FLRT2: variants seen among roughly 807,000 people sequenced by gnomAD.
FLRT2 encodes the protein fibronectin leucine rich transmembrane protein 2, also known as leucine-rich repeat transmembrane protein FLRT2.
A neutral mutation model predicts 40.0 loss-of-function variants in FLRT2; 15 were observed. The ratio of observed to expected loss-of-function variants is 0.38; its 90% confidence interval spans 0.25 to 0.58. The LOEUF (loss-of-function observed/expected upper bound fraction) is 0.58. Among genes scored for constraint, FLRT2 ranks in the 20% least tolerant of loss-of-function variants. The pLI is 0.71. For synonymous variants in FLRT2, 380 were observed against 336.8 expected, an observed-to-expected ratio of 1.13 and a Z score of -1.41; for missense variants, 726 against 840.0, an observed-to-expected ratio of 0.86 and a Z score of 1.68.
chr14:85,570,902 T>TA (rs1353999391), intron 1 of FLRT2, among the ~76,000 whole-genome samples: 1 of 151,648 alleles, frequency 6.6e-6, no homozygotes, highest in African/African-American at 2.4e-5. Flanking sequence ...CCTTATTTTT[T>TA]AAAAAAACAA....
At position 85,653,533 on chromosome 14, in the gene FLRT2, G is replaced by A. The variant is rs556745895; in HGVS notation, c.*30036G>A. On this transcript the variant is annotated 3_prime_UTR_variant, in exon 2 of 2. Coordinates refer to ENST00000330753, the MANE Select transcript of FLRT2 (RefSeq NM_013231.6). ...CAAAGCTAAAAATACCTCTGCTAGG[G>A]GATCTATTAGTATTCTCCACATTGC... 3 of 152,234 alleles carry A rather than the reference G, an allele frequency of 2.0e-5. No homozygotes were observed. Among genetic ancestry groups the A allele is most frequent in the Non-Finnish European group, 4.4e-5 (3 of 68,010 alleles). 9.4% of individuals were successfully genotyped at this position (152,234 alleles called of 1,614,324 possible). A position where few individuals can be genotyped will look rare whatever the true frequency, so the allele number is the denominator to read the frequency against.
chr14:85,541,856 C>T (rs2139810909), intron 1 of FLRT2, among the ~76,000 whole-genome samples: 2 of 152,264 alleles, frequency 1.3e-5, no homozygotes, highest in South Asian at 4.1e-4. Context: ...GCCGATGACA[C>T]CAGTGCCTGC....
At chr14:85,599,992 A>G (rs1892311177) in intron 1 of FLRT2, among the ~76,000 whole-genome samples, 1 of 152,224 alleles carries the variant, frequency 6.6e-6, no homozygotes, top group South Asian at 2.1e-4. Context: ...CCTTCAGAAT[A>G]TCATCTGTAA....
chr14:85,540,307 G>C (rs867645384), intron 1 of FLRT2, among the ~76,000 whole-genome samples: 1 of 152,128 alleles, frequency 6.6e-6, no homozygotes, highest in African/African-American at 2.4e-5. Flanking sequence ...TGAAGCCAAC[G>C]TGTATTCCAA....
intron 1 of FLRT2, among the ~76,000 whole-genome samples, chr14:85,545,974 A>G (rs1411077286): frequency 1.3e-5 from 2 of 152,234 alleles, no homozygotes; most frequent in Non-Finnish European, 2.9e-5. Context: ...TTAATAGGTC[A>G]GCTTCACTGG....
chr14:85,622,514 G>A lies in FLRT2; in HGVS notation c.1000G>A (p.Val334Met). 5 of 1,613,958 alleles carry A rather than the reference G, an allele frequency of 3.1e-6. No individual in the cohort carries two copies. Among genetic ancestry groups the A allele is most frequent in the Non-Finnish European group, 4.2e-6 (5 of 1,180,018 alleles). Residue 334 changes from valine (V) to methionine (M), a missense_variant, in exon 2 of 2, where the codon GTG (valine) becomes ATG (methionine). Transcript: ENST00000330753. ...CAAATATATCCCTTCATCTCTCAAC[G>A]TGCGGGGTTTCATGTGCCAAGGTCC... is the stretch of plus-strand genomic sequence containing the variant. ...WLKYIPSSLN[V>M]RGFMCQGPEQ...
intron 1 of FLRT2, among the ~76,000 whole-genome samples, chr14:85,571,317 A>G (rs1890883706): frequency 6.6e-6 from 1 of 152,178 alleles, no homozygotes; most frequent in Non-Finnish European, 1.5e-5. Context: ...ATTTTAACAA[A>G]CTATAAAAAA....
At position 85,631,021 on chromosome 14, in the gene FLRT2, T is replaced by C. The variant is rs2139384853; in HGVS notation, c.*7524T>C. 1 of 150,292 alleles carries C rather than the reference T, an allele frequency of 6.7e-6. No individual in the cohort carries two copies. The highest frequency in any genetic ancestry group is 2.1e-4 in the South Asian group (1 of 4,774). The allele number at this position is 150,292 out of a possible 1,614,324, so 9.3% of individuals were successfully genotyped here. ...TGTGTGACTTATGTATCCTACTACATGTTGCTCCCTGACATTTCTTACCAA... is the reference window on the plus strand; with the variant it reads ...TGTGTGACTTATGTATCCTACTACACGTTGCTCCCTGACATTTCTTACCAA... On this transcript the variant is annotated 3_prime_UTR_variant, in exon 2 of 2. Transcript: ENST00000330753.
intron 1 of FLRT2, among the ~76,000 whole-genome samples, chr14:85,587,091 A>G (rs537570493): frequency 5.9e-4 from 90 of 152,266 alleles, no homozygotes; most frequent in Non-Finnish European, 1.1e-3. Flanking sequence ...TCTATCTAAG[A>G]CAAAGGTATT....
chr14:85,535,209 C>T (rs1206488957), intron 1 of FLRT2, among the ~76,000 whole-genome samples: 2 of 152,222 alleles, frequency 1.3e-5, no homozygotes, highest in Non-Finnish European at 2.9e-5. Context: ...CATGTCCACT[C>T]GCTCACAGAC....
At chr14:85,585,812 C>G (rs1441990348) in intron 1 of FLRT2, among the ~76,000 whole-genome samples, 3 of 151,990 alleles carry the variant, frequency 2.0e-5, no homozygotes, top group Non-Finnish European at 4.4e-5. Flanking sequence ...TGAGGTCTGT[C>G]TAGGTGAAGA....
intron 1 of FLRT2, among the ~76,000 whole-genome samples, chr14:85,559,574 A>C (rs142968552): frequency 1.3e-5 from 2 of 152,348 alleles, no homozygotes; most frequent in East Asian, 3.9e-4. Flanking sequence ...TATGTATGTC[A>C]TATATGTATA....
At position 85,635,914 on chromosome 14, in the gene FLRT2, A is replaced by T. The variant is rs148801792; in HGVS notation, c.*12417A>T. 6.6e-6 allele frequency: 1 copy of T among 152,268 alleles called. No individual in the cohort carries two copies. The highest frequency in any genetic ancestry group is 1.5e-5 in the Non-Finnish European group (1 of 67,970). 9.4% of individuals were successfully genotyped at this position (152,268 alleles called of 1,614,324 possible). A position where few individuals can be genotyped will look rare whatever the true frequency, so the allele number is the denominator to read the frequency against. On this transcript the variant is annotated 3_prime_UTR_variant, in exon 2 of 2. Transcript: ENST00000330753. ...TTCATCACATCATACACCTGAATGT[A>T]ATCAACATTGCTTTATTAAAGATGT...
chr14:85,536,663 A>G (rs1888681194), intron 1 of FLRT2, among the ~76,000 whole-genome samples: 1 of 151,766 alleles, frequency 6.6e-6, no homozygotes, highest in South Asian at 2.1e-4. Flanking sequence ...CTTCTCATCA[A>G]AGTCTGAAGA....
rs142914045 is a variant in FLRT2 at position 85,577,105 on chromosome 14, G to A, written c.-376-44034G>A. ...CGATTTGTAATGCATTACCACTTGC[G>A]GTTTTCGCTTGGGGTTGGTAAATCT... On this transcript the variant is annotated intron_variant, in intron 1 of 1. Transcript: ENST00000330753. Among the ~76,000 whole-genome samples, 68 of 152,192 alleles carry A rather than the reference G, an allele frequency of 4.5e-4. 1 individual carries two copies. In the East Asian group the frequency reaches 6.6e-3, roughly 15 times the overall value.
At chr14:85,605,003 C>T (rs1892544389) in intron 1 of FLRT2, among the ~76,000 whole-genome samples, 1 of 152,102 alleles carries the variant, frequency 6.6e-6, no homozygotes. Context: ...AATTCATAGC[C>T]CTTTTGGGGC....
At chr14:85,551,226 T>C (rs1889599128) in intron 1 of FLRT2, among the ~76,000 whole-genome samples, 1 of 152,182 alleles carries the variant, frequency 6.6e-6, no homozygotes, top group Non-Finnish European at 1.5e-5. Context: ...TCCCATTTCC[T>C]TTTCTTTTTG....
intron 1 of FLRT2, among the ~76,000 whole-genome samples, chr14:85,591,066 T>A (rs183664544): frequency 2.0e-5 from 3 of 152,334 alleles, no homozygotes; most frequent in Admixed American, 6.5e-5. Flanking sequence ...TCTACTGTAA[T>A]ACTTTTACTT....
chr14:85,610,221 A>T (rs538879339), intron 1 of FLRT2, among the ~76,000 whole-genome samples: 12 of 152,154 alleles, frequency 7.9e-5, no homozygotes, highest in African/African-American at 2.9e-4. Context: ...AATTTGAGAC[A>T]GGTGGAAAAA....
Sources: gnomAD v4.1 joint callset for allele counts (sites outside exome capture counted in the v4.1 genomes callset) on GRCh38, gnomAD v4.1.1 for gene constraint, MANE v1.5 for transcripts, NCBI Gene and HGNC (gene_info 2026-07-23, HGNC 2026-07-21) for gene names.